Variants in SRGAP3 observed in about 807,000 individuals in gnomAD.
SRGAP3 encodes the protein SLIT-ROBO Rho GTPase activating protein 3.
A neutral mutation model predicts 121.1 loss-of-function variants in SRGAP3; 39 were observed. The observed-to-expected ratio is 0.32, with a 90% CI of 0.25 to 0.42. The LOEUF (loss-of-function observed/expected upper bound fraction) is 0.42, where lower values mean the gene tolerates loss of function less well. Ranked by LOEUF, SRGAP3 falls within the 10% of genes least tolerant of loss-of-function variation. SRGAP3 has a pLI of 1.00. For missense variants in SRGAP3, 1,213 were observed against 1,470.6 expected, an observed-to-expected ratio of 0.82 and a Z score of 2.86; for synonymous variants, 601 against 570.0, an observed-to-expected ratio of 1.05 and a Z score of -0.77.
At chr3:9,248,265 A>G (rs1451977523) in intron 1 of SRGAP3, among the ~76,000 whole-genome samples, 1 of 152,204 alleles carries the variant, frequency 6.6e-6, no homozygotes, top group African/African-American at 2.4e-5. Flanking sequence ...TTTCTGCACC[A>G]AGCTCCCTTT....
At chr3:9,282,137 C>G (rs1338888219) in intron 3 of SRGAP3, among the ~76,000 whole-genome samples, 1 of 152,182 alleles carries the variant, frequency 6.6e-6, no homozygotes, top group Non-Finnish European at 1.5e-5. Flanking sequence ...GGTCATGGTT[C>G]TCAAACATTT....
Position 9,124,506 on chromosome 3 carries a change from T to G in SRGAP3, c.260+219A>C, listed in dbSNP as rs186462828. 1.0e-3 allele frequency among the ~76,000 whole-genome samples: 156 copies of G among 152,340 alleles called. 5 individuals are homozygous for G. The East Asian group carries it at 0.029, about 28-fold the overall frequency. On this transcript the variant is annotated intron_variant, in intron 2 of 21. Coordinates refer to ENST00000383836, the MANE Select transcript of SRGAP3 (RefSeq NM_014850.4). ...CACTCTTCTTGGGTTGTTCATTTAT[T>G]CCCTTCAGGAAACTTCTGCAGAGGA...
chr3:9,348,486 T>C (rs1955947005), intron 1 of SRGAP3: 3 of 724,140 alleles, frequency 4.1e-6, no homozygotes, highest in Non-Finnish European at 7.7e-6. Context: ...GGCGAGAGCA[T>C]GTGGAATCCG....
intron 1 of SRGAP3, among the ~76,000 whole-genome samples, chr3:9,357,686 T>G (rs1281529599): frequency 6.6e-6 from 1 of 152,156 alleles, no homozygotes; most frequent in Non-Finnish European, 1.5e-5. Context: ...ATTTAATAAC[T>G]TTGCTTTGTT....
At chr3:8,998,168 C>A (rs768614061) in intron 18 of SRGAP3, among the ~76,000 whole-genome samples, 4 of 152,178 alleles carry the variant, frequency 2.6e-5, no homozygotes, top group Non-Finnish European at 4.4e-5. Context: ...GGATTACAGG[C>A]GTGAGCCACC....
At chr3:9,188,152 T>A (rs746652959) in intron 1 of SRGAP3, among the ~76,000 whole-genome samples, 29 of 152,220 alleles carry the variant, frequency 1.9e-4, no homozygotes, top group Non-Finnish European at 3.5e-4. Context: ...ATAACACAGA[T>A]TTTTGTAAGA....
At position 8,983,912 on chromosome 3, in the gene SRGAP3, A is replaced by G. The variant is rs984006355; in HGVS notation, c.*1607T>C. On this transcript the variant is annotated 3_prime_UTR_variant, in exon 22 of 22. Transcript: ENST00000383836. Reference sequence around the variant, plus strand: ...ACTTCAGTGGCCTCGAGAGAGAGGAAGCGTGGGAACAGTAGGGAAAAGCCC... The same window carrying G: ...ACTTCAGTGGCCTCGAGAGAGAGGAGGCGTGGGAACAGTAGGGAAAAGCCC... 1 of 229,272 alleles carries G rather than the reference A, an allele frequency of 4.4e-6. No individual in the cohort carries two copies. Among genetic ancestry groups the G allele is most frequent in the Middle Eastern group, 1.3e-3 (1 of 770 alleles). 14.2% of individuals were successfully genotyped at this position (229,272 alleles called of 1,614,324 possible).
chr3:9,005,491 T>C (rs905760337), intron 18 of SRGAP3, among the ~76,000 whole-genome samples: 1 of 152,206 alleles, frequency 6.6e-6, no homozygotes, highest in Admixed American at 6.5e-5. Flanking sequence ...TTTGCAGCAG[T>C]ATTATATCAT....
intron 1 of SRGAP3, among the ~76,000 whole-genome samples, chr3:9,347,519 G>A (rs532694527): frequency 6.6e-6 from 1 of 152,334 alleles, no homozygotes; most frequent in South Asian, 2.1e-4. Context: ...ACAAGGCTGT[G>A]TTGAGAACTA....
intron 7 of SRGAP3, among the ~76,000 whole-genome samples, 159 bp from the exon 8 acceptor site, chr3:9,056,493 C>T (rs984434952): frequency 6.6e-6 from 1 of 152,158 alleles, no homozygotes; most frequent in Non-Finnish European, 1.5e-5. Context: ...CATAAGTGGC[C>T]GTGGCAACCA....
intron 3 of SRGAP3, among the ~76,000 whole-genome samples, chr3:9,277,855 T>A (rs1308934813): frequency 6.6e-6 from 1 of 152,140 alleles, no homozygotes; most frequent in Admixed American, 6.6e-5. Context: ...ACACTCCTAA[T>A]AAGATGATAG....
chr3:9,329,400 G>T (rs1049411598), intron 2 of SRGAP3, among the ~76,000 whole-genome samples: 3 of 152,066 alleles, frequency 2.0e-5, no homozygotes, highest in African/African-American at 7.2e-5. Context: ...AAGGAAAAAT[G>T]ATCTTTTTTT....
intron 1 of SRGAP3, among the ~76,000 whole-genome samples, chr3:9,130,641 T>C (rs1949411303): frequency 6.6e-6 from 1 of 152,256 alleles, no homozygotes; most frequent in African/African-American, 2.4e-5. Flanking sequence ...CAGGAACTTC[T>C]TGGTCTGCAT....
At chr3:9,166,341 T>G (rs908034490) in intron 1 of SRGAP3, among the ~76,000 whole-genome samples, 1 of 152,238 alleles carries the variant, frequency 6.6e-6, no homozygotes, top group Non-Finnish European at 1.5e-5. Flanking sequence ...TCTTTAAAGC[T>G]ATCTGGGCCA....
Position 8,994,323 on chromosome 3 carries a change from G to A in SRGAP3, c.2408+20C>T. On this transcript the variant is annotated intron_variant, in intron 19 of 21. Transcript: ENST00000383836. ...CTAATCTATTTCGGCATTCTTCACAGAATTCTCGACTCCACTCACATGTCC... is the reference window on the plus strand; with the variant it reads ...CTAATCTATTTCGGCATTCTTCACAAAATTCTCGACTCCACTCACATGTCC... 2 of 1,613,628 alleles carry A rather than the reference G, an allele frequency of 1.2e-6. No homozygotes were observed. The highest frequency in any genetic ancestry group is 1.7e-6 in the Non-Finnish European group (2 of 1,180,000).
rs9868634 is a variant in SRGAP3, at chr3:9,064,367, A to G, written c.672+29T>C. Reference sequence around the variant, plus strand: ...CCCTCCCCTTTGTGCCCTGTCCCCAATCGCTCCCAGCCCAGGGCCCCCACT... The same window carrying G: ...CCCTCCCCTTTGTGCCCTGTCCCCAGTCGCTCCCAGCCCAGGGCCCCCACT... On this transcript the variant is annotated intron_variant, in intron 5 of 21. Coordinates refer to ENST00000383836, the MANE Select transcript of SRGAP3 (RefSeq NM_014850.4). The G allele has an allele frequency of 6.1e-3, 9,811 of 1,614,086 alleles. 522 individuals carry two copies. The African/African-American group carries it at 0.11, about 19-fold the overall frequency.
At chr3:9,117,721 C>T (rs1948854464) in intron 2 of SRGAP3, among the ~76,000 whole-genome samples, 1 of 152,204 alleles carries the variant, frequency 6.6e-6, no homozygotes, top group Non-Finnish European at 1.5e-5. Flanking sequence ...CAGGGCACTA[C>T]TTGCATGGAG....
intron 18 of SRGAP3, among the ~76,000 whole-genome samples, chr3:8,996,883 C>T (rs1942432409): frequency 6.6e-6 from 1 of 152,184 alleles, no homozygotes. Flanking sequence ...CAGAGGTTTT[C>T]TGATACTCAG....
chr3:9,089,923 C>T (rs1947675522), intron 3 of SRGAP3, among the ~76,000 whole-genome samples: 1 of 152,052 alleles, frequency 6.6e-6, no homozygotes, highest in Non-Finnish European at 1.5e-5. Flanking sequence ...CCGGGGGTTG[C>T]TAAAAGGGTC....
Sources: gnomAD v4.1 joint callset for allele counts (sites outside exome capture counted in the v4.1 genomes callset) on GRCh38, gnomAD v4.1.1 for gene constraint, MANE v1.5 for transcripts, NCBI Gene and HGNC (gene_info 2026-07-23, HGNC 2026-07-21) for gene names.